Variants in CTNNA2 observed in about 807,000 individuals in gnomAD.
The protein encoded by CTNNA2 is catenin alpha-2.
A neutral mutation model predicts 101.0 loss-of-function variants in CTNNA2; 42 were observed. The observed-to-expected ratio is 0.42, with a 90% CI of 0.32 to 0.54. The LOEUF is 0.54. Among genes scored for constraint, CTNNA2 ranks in the 20% least tolerant of loss-of-function variants. The probability of loss-of-function intolerance (pLI) is 0.14; values close to 1 mark genes in which losing one functional copy is unlikely to be tolerated. For synonymous variants in CTNNA2, 450 were observed against 456.4 expected, an observed-to-expected ratio of 0.99 and a Z score of 0.18; for missense variants, 871 against 1,223.1, an observed-to-expected ratio of 0.71 and a Z score of 4.29.
chr2:80,518,914 T>C (rs1394166519), intron 9 of CTNNA2, among the ~76,000 whole-genome samples: 1 of 152,170 alleles, frequency 6.6e-6, no homozygotes, highest in African/African-American at 2.4e-5. Context: ...CTTTTCCTGG[T>C]TTCTGTTCAC....
In CTNNA2 at chr2:80,348,834, G is replaced by A. The variant is rs114056334; in HGVS notation, c.1057-44377G>A. Among the ~76,000 whole-genome samples the A allele has an allele frequency of 8.4e-3, 1,276 of 152,174 alleles. 16 individuals are homozygous for A. Among genetic ancestry groups the A allele is most frequent in the African/African-American group, 0.028 (1,178 of 41,524 alleles). ...CACAAGGTATTGAGATGTTTGTTAG[G>A]TGCGCTGGGTAGGGTAGCTTGAAAG... On this transcript the variant is annotated intron_variant, in intron 7 of 18. Coordinates refer to ENST00000402739, the MANE Select transcript of CTNNA2 (RefSeq NM_001282597.3).
intron 7 of CTNNA2, among the ~76,000 whole-genome samples, chr2:80,207,557 G>A (rs954432142): frequency 3.3e-5 from 5 of 152,176 alleles, no homozygotes; most frequent in African/African-American, 1.2e-4. Flanking sequence ...GGAGACAGAT[G>A]AGGAATAACT....
intron 7 of CTNNA2, among the ~76,000 whole-genome samples, chr2:80,372,193 A>G (rs1474159235): frequency 1.3e-5 from 2 of 152,098 alleles, no homozygotes; most frequent in African/African-American, 4.8e-5. Flanking sequence ...GAGGACTCTC[A>G]AACATAAGGC....
intron 1 of CTNNA2, among the ~76,000 whole-genome samples, chr2:79,617,310 C>A (rs1678693368): frequency 6.6e-6 from 1 of 152,134 alleles, no homozygotes; most frequent in Non-Finnish European, 1.5e-5. Flanking sequence ...ATTTGTCAGC[C>A]ATTTCCTCTT....
intron 3 of CTNNA2, among the ~76,000 whole-genome samples, chr2:79,827,579 C>T (rs1465545942): frequency 1.3e-5 from 2 of 152,172 alleles, no homozygotes; most frequent in East Asian, 3.8e-4. Flanking sequence ...GCTTCATCAT[C>T]TACCTGAAGA....
intron 4 of CTNNA2, among the ~76,000 whole-genome samples, chr2:79,456,710 A>G (rs1456298857): frequency 1.3e-5 from 2 of 152,292 alleles, no homozygotes; most frequent in Admixed American, 1.3e-4. Flanking sequence ...AACGATTGAA[A>G]TCTGGAGGGT....
intron 7 of CTNNA2, among the ~76,000 whole-genome samples, chr2:80,194,853 G>T (rs1024540295): frequency 1.3e-5 from 2 of 151,480 alleles, no homozygotes; most frequent in African/African-American, 4.8e-5. Flanking sequence ...GTGTGTGTAT[G>T]TGTGTATATA....
At chr2:79,696,162 G>C (rs1445379746) in intron 2 of CTNNA2, among the ~76,000 whole-genome samples, 1 of 151,964 alleles carries the variant, frequency 6.6e-6, no homozygotes, top group Non-Finnish European at 1.5e-5. Flanking sequence ...CAAAAAGCAA[G>C]GTTACAAAGT....
chr2:80,060,366 G>A (rs1057446556), intron 7 of CTNNA2, among the ~76,000 whole-genome samples: 5 of 152,136 alleles, frequency 3.3e-5, no homozygotes, highest in African/African-American at 1.2e-4. Flanking sequence ...CGGTTCTGGC[G>A]GCAACTTTGC....
intron 4 of CTNNA2, among the ~76,000 whole-genome samples, chr2:79,437,045 C>T (rs981466129): frequency 6.6e-6 from 1 of 151,868 alleles, no homozygotes; most frequent in Non-Finnish European, 1.5e-5. Flanking sequence ...AGTAGCCTGC[C>T]CAACATAGTG....
chr2:79,412,842 A>G (rs1051388110), intron 4 of CTNNA2, among the ~76,000 whole-genome samples: 8 of 152,124 alleles, frequency 5.3e-5, no homozygotes, highest in Admixed American at 6.6e-5. Context: ...CACCTGTTCT[A>G]TTAATGACAG....
chr2:80,319,411 G>C lies in CTNNA2; in HGVS notation c.1057-73800G>C, dbSNP rs113199030. 7.9e-5 allele frequency among the ~76,000 whole-genome samples: 12 copies of C among 152,214 alleles called. 2 individuals are homozygous for C. The highest frequency in any genetic ancestry group is 2.9e-4 in the African/African-American group (12 of 41,534). Reference sequence around the variant, plus strand: ...TGGCCACATCTCCAGACCCAAACAGGATTTGTTTCATTACATAATATGGCG... The same window carrying C: ...TGGCCACATCTCCAGACCCAAACAGCATTTGTTTCATTACATAATATGGCG... On this transcript the variant is annotated intron_variant, in intron 7 of 18. Transcript: ENST00000402739.
chr2:79,378,452 G>T (rs1678003168), intron 4 of CTNNA2, among the ~76,000 whole-genome samples: 1 of 152,096 alleles, frequency 6.6e-6, no homozygotes. Flanking sequence ...TTAAAAAATT[G>T]TGGGGCCTAT....
intron 3 of CTNNA2, among the ~76,000 whole-genome samples, chr2:79,353,224 G>A (rs1209575174): frequency 6.6e-6 from 1 of 152,096 alleles, no homozygotes; most frequent in Non-Finnish European, 1.5e-5. Context: ...GAATTTTTTA[G>A]TTTCTGGCTT....
At chr2:80,157,306 T>C (rs981744966) in intron 7 of CTNNA2, among the ~76,000 whole-genome samples, 2 of 151,910 alleles carry the variant, frequency 1.3e-5, no homozygotes, top group African/African-American at 4.8e-5. Flanking sequence ...AGCGGGGGCG[T>C]GGTTGGTGTG....
chr2:79,721,510 GA>G (rs1182706512), intron 2 of CTNNA2, among the ~76,000 whole-genome samples: 2 of 152,174 alleles, frequency 1.3e-5, no homozygotes, highest in Non-Finnish European at 2.9e-5. Context: ...TCCAACACAT[GA>G]AATGTGGGGG....
upstream of CTNNA2, among the ~76,000 whole-genome samples, chr2:79,510,604 C>G (rs1671514455): frequency 6.6e-6 from 1 of 152,200 alleles, no homozygotes; most frequent in South Asian, 2.1e-4. Context: ...TGCCATTTGC[C>G]TGCTGGTGAC....
At chr2:79,653,352 A>T (rs1162226503) in intron 2 of CTNNA2, among the ~76,000 whole-genome samples, 1 of 152,146 alleles carries the variant, frequency 6.6e-6, no homozygotes, top group Non-Finnish European at 1.5e-5. Flanking sequence ...GTATCAGTCC[A>T]AGCTGATGGT....
intron 18 of CTNNA2, among the ~76,000 whole-genome samples, chr2:80,638,552 C>A (rs1673111597): frequency 6.6e-6 from 1 of 152,124 alleles, no homozygotes. Context: ...TTCCAAGGGC[C>A]AACCTGTCAG....
Sources: gnomAD v4.1 joint callset for allele counts (sites outside exome capture counted in the v4.1 genomes callset) on GRCh38, gnomAD v4.1.1 for gene constraint, MANE v1.5 for transcripts, NCBI Gene and HGNC (gene_info 2026-07-23, HGNC 2026-07-21) for gene names.